KCNJ3: variants seen among roughly 807,000 people sequenced by gnomAD.
KCNJ3 encodes potassium inwardly rectifying channel subfamily J member 3.
Under a neutral mutation model 39.2 loss-of-function variants are expected in KCNJ3, and 4 were observed. That is an observed-to-expected ratio of 0.10 (90% CI 0.05 to 0.23). The LOEUF (loss-of-function observed/expected upper bound fraction) is 0.23, where lower values mean the gene tolerates loss of function less well. KCNJ3 is among the 10% of genes least tolerant of loss of function. The pLI is 1.00. For synonymous variants in KCNJ3, 230 were observed against 237.4 expected (o/e 0.97, Z 0.29); for missense variants, 276 against 634.9 (o/e 0.43, Z 6.08).
At chr2:154,803,459 T>G (rs2591149) in intron 2 of KCNJ3, among the ~76,000 whole-genome samples, 83,147 of 151,272 alleles carry the variant, frequency 0.55, 23,229 homozygotes, top group Middle Eastern at 0.62. Context: ...TAATTGATAA[T>G]GATTCAATAT....
intron 1 of KCNJ3, among the ~76,000 whole-genome samples, chr2:154,703,649 C>A (rs1462615229): frequency 6.6e-6 from 1 of 152,048 alleles, no homozygotes. Flanking sequence ...AATCTAACCA[C>A]AACGATTCCT....
intron 2 of KCNJ3, among the ~76,000 whole-genome samples, chr2:154,717,791 C>T (rs1449931636): frequency 1.3e-5 from 2 of 152,104 alleles, no homozygotes; most frequent in East Asian, 3.9e-4. Flanking sequence ...TAATTTTCCT[C>T]TCTTAATGAT....
chr2:154,739,272 C>A (rs1685601519), intron 2 of KCNJ3, among the ~76,000 whole-genome samples: 1 of 151,916 alleles, frequency 6.6e-6, no homozygotes, highest in African/African-American at 2.4e-5. Flanking sequence ...ACCACTGTAC[C>A]AGCTTCTGAG....
At chr2:154,726,289 A>C (rs1419537713) in intron 2 of KCNJ3, among the ~76,000 whole-genome samples, 1 of 152,204 alleles carries the variant, frequency 6.6e-6, no homozygotes, top group African/African-American at 2.4e-5. Flanking sequence ...CCAATCAAAA[A>C]GTGGTCTGAG....
rs1203557390 is a variant in KCNJ3, at chr2:154,747,884, GA to G, written c.919+38070del. Among the ~76,000 whole-genome samples, 6 of 152,048 alleles carry G rather than the reference GA, an allele frequency of 3.9e-5. No homozygotes were observed. The East Asian group carries it at 1.2e-3, about 29-fold the overall frequency. On this transcript the variant is annotated intron_variant, in intron 2 of 2. Coordinates refer to ENST00000295101, the MANE Select transcript of KCNJ3 (RefSeq NM_002239.4). ...GTGGAAGATTCCAGTGGCCAAGGCA[GA>G]AAAATAGTCAATTTTTGGTCAACTG...
Position 154,769,320 on chromosome 2 carries a change from G to A in KCNJ3, c.919+59501G>A, listed in dbSNP as rs185193316. Reference sequence around the variant, plus strand: ...CCCATTCAGTATGATATTGGCTGTGGGTTTGTCATAAATAGCTCTTATTAT... The same window carrying A: ...CCCATTCAGTATGATATTGGCTGTGAGTTTGTCATAAATAGCTCTTATTAT... On this transcript the variant is annotated intron_variant, in intron 2 of 2. Coordinates refer to ENST00000295101, the MANE Select transcript of KCNJ3 (RefSeq NM_002239.4). Among the ~76,000 whole-genome samples, 443 of 152,168 alleles carry A rather than the reference G, an allele frequency of 2.9e-3. 2 individuals carry two copies. Among genetic ancestry groups the A allele is most frequent in the African/African-American group, 9.8e-3 (405 of 41,508 alleles).
chr2:154,701,022 TTTAAC>T (rs1684886374), intron 1 of KCNJ3, among the ~76,000 whole-genome samples: 2 of 152,274 alleles, frequency 1.3e-5, no homozygotes, highest in South Asian at 4.1e-4. Context: ...TTTTTTAAAA[TTTAAC>T]TTAGTGTATT....
intron 2 of KCNJ3, 84 bp downstream of exon 2, chr2:154,709,903 C>T (rs1300675577): frequency 2.7e-5 from 39 of 1,446,724 alleles, no homozygotes; most frequent in Admixed American, 1.3e-4. Flanking sequence ...ATGAATTGGG[C>T]GAAATGACTC....
At chr2:154,844,189 T>TAACA (rs1420421516) in intron 2 of KCNJ3, among the ~76,000 whole-genome samples, 1 of 152,126 alleles carries the variant, frequency 6.6e-6, no homozygotes, top group Non-Finnish European at 1.5e-5. Context: ...GTTTTCCTTC[T>TAACA]AACAATCAGC....
At chr2:154,851,636 C>A (rs552545258) in intron 2 of KCNJ3, among the ~76,000 whole-genome samples, 21 of 152,280 alleles carry the variant, frequency 1.4e-4, no homozygotes, top group African/African-American at 4.8e-4. Context: ...TGTTGCCTCA[C>A]TTATGTGAAT....
At chr2:154,784,160 T>G (rs1206420786) in intron 2 of KCNJ3, among the ~76,000 whole-genome samples, 1 of 152,220 alleles carries the variant, frequency 6.6e-6, no homozygotes, top group African/African-American at 2.4e-5. Context: ...CTCAAAGATT[T>G]TCAAACCATG....
At chr2:154,746,822 T>A (rs1040312671) in intron 2 of KCNJ3, among the ~76,000 whole-genome samples, 5 of 151,862 alleles carry the variant, frequency 3.3e-5, no homozygotes, top group Admixed American at 6.6e-5. Flanking sequence ...TTTCTATAAC[T>A]TCCTGGAAAA....
chr2:154,744,426 T>C (rs909460883), intron 2 of KCNJ3, among the ~76,000 whole-genome samples: 3 of 151,844 alleles, frequency 2.0e-5, no homozygotes, highest in Admixed American at 6.6e-5. Context: ...TTAAATGTTT[T>C]ATAAAACATT....
intron 2 of KCNJ3, among the ~76,000 whole-genome samples, chr2:154,714,728 T>C (rs1311533675): frequency 3.3e-5 from 5 of 152,220 alleles, no homozygotes; most frequent in African/African-American, 1.2e-4. Flanking sequence ...TTTTTCTTTT[T>C]ATATTTAATT....
rs2105176042 is a variant in KCNJ3 at position 154,742,912 on chromosome 2, A to G, written c.919+33093A>G. Among the ~76,000 whole-genome samples, 2 of 151,778 alleles carry G rather than the reference A, an allele frequency of 1.3e-5. 1 individual carries two copies. Among genetic ancestry groups the G allele is most frequent in the African/African-American group, 4.8e-5 (2 of 41,480 alleles). On this transcript the variant is annotated intron_variant, in intron 2 of 2. Transcript: ENST00000295101. ...TTTGTCTTTTATTTTAGTTATCTTT[A>G]CCTTTTGTATCATAGCCAAAAAATC...
intron 2 of KCNJ3, among the ~76,000 whole-genome samples, chr2:154,760,616 T>C (rs1686020295): frequency 6.6e-6 from 1 of 151,986 alleles, no homozygotes. Context: ...TGTAGTGGTA[T>C]AATCGTGGTC....
chr2:154,849,353 T>TTTTG (rs1465590209), intron 2 of KCNJ3, among the ~76,000 whole-genome samples: 15 of 152,204 alleles, frequency 9.9e-5, no homozygotes, highest in Non-Finnish European at 2.2e-4. Flanking sequence ...GTGTTTTTGC[T>TTTTG]TTTGTTTGAT....
chr2:154,737,587 C>T (rs3111006), intron 2 of KCNJ3, among the ~76,000 whole-genome samples: 60,642 of 151,860 alleles, frequency 0.4, 12,364 homozygotes, highest in Non-Finnish European at 0.44. Context: ...AGAGGAAGGA[C>T]TGAACCAGTA....
intron 2 of KCNJ3, among the ~76,000 whole-genome samples, chr2:154,804,239 G>A (rs1444231628): frequency 1.3e-5 from 2 of 152,112 alleles, no homozygotes; most frequent in African/African-American, 4.8e-5. Context: ...CCCGATGAAT[G>A]TTGGTAAATG....
Sources: allele counts gnomAD v4.1 joint callset (sites outside exome capture counted in the v4.1 genomes callset), GRCh38; gene constraint gnomAD v4.1.1; transcripts MANE v1.5; gene names NCBI Gene and HGNC (gene_info 2026-07-23, HGNC 2026-07-21).